Variants in TYW1B observed in about 807,000 individuals in gnomAD.
TYW1B encodes S-adenosyl-L-methionine-dependent tRNA 4-demethylwyosine synthase TYW1B.
Under a neutral mutation model 86.9 loss-of-function variants are expected in TYW1B, and 73 were observed. That is an observed-to-expected ratio of 0.84 (90% CI 0.70 to 1.02). TYW1B has a LOEUF of 1.02. Ranked by LOEUF, TYW1B falls within the 50% of genes least tolerant of loss-of-function variation. The probability of loss-of-function intolerance (pLI) is 0.00; values close to 1 mark genes in which losing one functional copy is unlikely to be tolerated. For missense variants in TYW1B, 637 were observed against 827.4 expected (o/e 0.77, Z 2.82); for synonymous variants, 248 against 292.8 (o/e 0.85, Z 1.56).
chr7:72,627,462 T>C (rs1376585721), intron 12 of TYW1B, among the ~76,000 whole-genome samples: 4 of 60,602 alleles, frequency 6.6e-5, no homozygotes, highest in Admixed American at 1.4e-4. Context: ...AACAGTAACA[T>C]AACATAACAT....
chr7:72,802,279 A>C, intron 6 of TYW1B, 121 bp downstream of exon 6: 7 of 1,500,354 alleles, frequency 4.7e-6, no homozygotes, highest in Non-Finnish European at 6.2e-6. Context: ...AAAACTCTCA[A>C]GACAGAAGCT....
intron 11 of TYW1B, among the ~76,000 whole-genome samples, chr7:72,629,763 G>T (rs1326855193): frequency 6.6e-6 from 1 of 151,870 alleles, no homozygotes; most frequent in Non-Finnish European, 1.5e-5. Context: ...ATTCAGGCTG[G>T]TCTCGAACTC....
intron 2 of TYW1B, among the ~76,000 whole-genome samples, chr7:72,818,578 CAAAAA>C (rs57325230): frequency 2.6e-5 from 1 of 38,430 alleles, no homozygotes; most frequent in Non-Finnish European, 5.2e-5. Flanking sequence ...GACTCCATCT[CAAAAA>C]AAAAAAAAAA....
chr7:72,699,096 G>C (rs1814395080), intron 10 of TYW1B, among the ~76,000 whole-genome samples: 1 of 151,972 alleles, frequency 6.6e-6, no homozygotes. Flanking sequence ...AAATGTAATG[G>C]GTATAAATGG....
chr7:72,788,822 C>T (rs1788171739), intron 6 of TYW1B, among the ~76,000 whole-genome samples: 1 of 151,654 alleles, frequency 6.6e-6, no homozygotes, highest in Admixed American at 6.6e-5. Flanking sequence ...TGTGAGCCAT[C>T]ATGCCCGGCC....
chr7:72,599,833 G>A (rs1358364260), intron 13 of TYW1B, among the ~76,000 whole-genome samples: 5 of 151,732 alleles, frequency 3.3e-5, no homozygotes, highest in East Asian at 1.9e-4. Flanking sequence ...ACAGATACAC[G>A]ATATATATAT....
At chr7:72,659,219 G>C (rs2129569407) in intron 11 of TYW1B, among the ~76,000 whole-genome samples, 1 of 152,322 alleles carries the variant, frequency 6.6e-6, no homozygotes, top group African/African-American at 2.4e-5. Flanking sequence ...AAGGAGGAAG[G>C]CAGGCTTCAG....
At chr7:72,653,661 G>T (rs1813120405) in intron 11 of TYW1B, among the ~76,000 whole-genome samples, 1 of 151,936 alleles carries the variant, frequency 6.6e-6, no homozygotes, top group Non-Finnish European at 1.5e-5. Context: ...TTCCAGGTAT[G>T]CAAGGCTGGT....
intron 11 of TYW1B, among the ~76,000 whole-genome samples, chr7:72,670,740 G>A (rs1396672234): frequency 2.6e-5 from 4 of 152,150 alleles, no homozygotes; most frequent in Non-Finnish European, 4.4e-5. Flanking sequence ...TCCAAAAGGC[G>A]GGGGAATAAA....
intron 2 of TYW1B, 86 bp from the exon 3 acceptor site, chr7:72,815,567 C>T (rs1474358012): frequency 8.9e-6 from 11 of 1,232,492 alleles, no homozygotes; most frequent in African/African-American, 1.5e-5. Context: ...AAGAATGTGG[C>T]ATTCCTCATG....
At chr7:72,601,729 T>A (rs2129568062) in intron 13 of TYW1B, among the ~76,000 whole-genome samples, 1 of 111,460 alleles carries the variant, frequency 9.0e-6, no homozygotes, top group African/African-American at 3.5e-5. Flanking sequence ...CACGAAAGAA[T>A]CTTAAATGCA....
At chr7:72,681,807 G>A (rs544800261) in intron 11 of TYW1B, among the ~76,000 whole-genome samples, 7 of 151,166 alleles carry the variant, frequency 4.6e-5, no homozygotes, top group African/African-American at 1.5e-4. Context: ...GGATGGTCTC[G>A]ACCTCCTGAA....
intron 13 of TYW1B, among the ~76,000 whole-genome samples, chr7:72,611,475 T>C (rs1386489503): frequency 6.6e-6 from 1 of 152,108 alleles, no homozygotes; most frequent in African/African-American, 2.4e-5. Flanking sequence ...TGAGATCCGA[T>C]GGTTTTATAA....
At chr7:72,686,228 G>A (rs1814003475) in intron 11 of TYW1B, among the ~76,000 whole-genome samples, 1 of 152,174 alleles carries the variant, frequency 6.6e-6, no homozygotes, top group Non-Finnish European at 1.5e-5. Flanking sequence ...CCAAGGAGCT[G>A]AAAATTTATA....
At chr7:72,800,062 T>C (rs1382709017) in intron 6 of TYW1B, among the ~76,000 whole-genome samples, 2 of 152,096 alleles carry the variant, frequency 1.3e-5, no homozygotes, top group African/African-American at 2.4e-5. Flanking sequence ...TTGAATCATA[T>C]AGAAAAGCTT....
intron 11 of TYW1B, among the ~76,000 whole-genome samples, chr7:72,680,591 C>T (rs1554448286): frequency 6.6e-6 from 1 of 152,106 alleles, no homozygotes. Flanking sequence ...AGCTTGCAGA[C>T]GACCTATTGT....
intron 6 of TYW1B, among the ~76,000 whole-genome samples, chr7:72,801,191 T>C (rs1788398359): frequency 6.6e-6 from 1 of 152,094 alleles, no homozygotes; most frequent in Admixed American, 6.6e-5. Context: ...TAGCTCAGCG[T>C]GGTGGTGTGC....
chr7:72,627,794 T>C (rs1198548508), intron 12 of TYW1B, among the ~76,000 whole-genome samples: 1 of 152,070 alleles, frequency 6.6e-6, no homozygotes, highest in Non-Finnish European at 1.5e-5. Context: ...GATCTAACTA[T>C]AGGCACCAAT....
chr7:72,669,134 C>CTT (rs781821639), intron 11 of TYW1B, among the ~76,000 whole-genome samples: 37,742 of 81,660 alleles, frequency 0.46, 11,838 homozygotes, highest in Non-Finnish European at 0.58. Flanking sequence ...TAATTTTAAA[C>CTT]TTTTTTTTTT....
Sources: gnomAD v4.1 joint callset for allele counts (sites outside exome capture counted in the v4.1 genomes callset) on GRCh38, gnomAD v4.1.1 for gene constraint, MANE v1.5 for transcripts, NCBI Gene and HGNC (gene_info 2026-07-23, HGNC 2026-07-21) for gene names.